The following RAD51B variants were observed in gnomAD, a reference collection of about 807,000 sequenced individuals.
RAD51B encodes DNA repair protein RAD51 homolog 2.
In RAD51B, 38 loss-of-function variants were observed where a neutral mutation model predicts 42.2. That is an observed-to-expected ratio of 0.90 (90% CI 0.70 to 1.18). RAD51B has a LOEUF of 1.18. Ranked by LOEUF, RAD51B falls within the 50% of genes most tolerant of loss-of-function variation. The pLI, the probability that RAD51B is intolerant of heterozygous loss-of-function variation, is 0.00. For missense variants in RAD51B, 373 were observed against 400.7 expected (o/e 0.93, Z 0.59); for synonymous variants, 154 against 145.2 (o/e 1.06, Z -0.43).
At chr14:67,938,005 A>T (rs533287533) in intron 7 of RAD51B, among the ~76,000 whole-genome samples, 1 of 152,200 alleles carries the variant, frequency 6.6e-6, no homozygotes, top group African/African-American at 2.4e-5. Context: ...ATCAAAATCC[A>T]TATGGATTCT....
chr14:68,511,510 A>G (rs745573078), intron 10 of RAD51B, among the ~76,000 whole-genome samples: 2 of 152,218 alleles, frequency 1.3e-5, no homozygotes, highest in Non-Finnish European at 2.9e-5. Context: ...TTTACTTCCT[A>G]TTTTGATGAT....
intron 7 of RAD51B, among the ~76,000 whole-genome samples, chr14:68,046,499 G>A (rs2076302666): frequency 6.6e-6 from 1 of 152,206 alleles, no homozygotes; most frequent in African/African-American, 2.4e-5. Context: ...AGCACTTTGG[G>A]AGGCCGAGGC....
intron 10 of RAD51B, among the ~76,000 whole-genome samples, chr14:68,569,254 G>A (rs777439150): frequency 2.0e-5 from 3 of 152,212 alleles, no homozygotes; most frequent in Admixed American, 6.5e-5. Flanking sequence ...TTTAGGAGAA[G>A]CAGCCCCCAT....
intron 7 of RAD51B, among the ~76,000 whole-genome samples, chr14:68,049,587 T>C (rs1483595885): frequency 2.6e-5 from 4 of 152,126 alleles, no homozygotes; most frequent in Admixed American, 2.0e-4. Context: ...CGTCACCCTG[T>C]CCTTTACCTT....
At chr14:67,934,809 A>T (rs531749646) in intron 7 of RAD51B, among the ~76,000 whole-genome samples, 1 of 152,174 alleles carries the variant, frequency 6.6e-6, no homozygotes, top group South Asian at 2.1e-4. Context: ...ACTCTTATTG[A>T]TGGGGGGGAA....
intron 9 of RAD51B, among the ~76,000 whole-genome samples, chr14:68,448,520 A>G (rs1340272343): frequency 2.6e-5 from 4 of 152,254 alleles, no homozygotes; most frequent in African/African-American, 4.8e-5. Flanking sequence ...CTAAGCCAGT[A>G]CTTGGAACAT....
chr14:68,363,689 A>G (rs1028167634), intron 8 of RAD51B, among the ~76,000 whole-genome samples: 11 of 152,226 alleles, frequency 7.2e-5, no homozygotes, highest in African/African-American at 2.7e-4. Context: ...CTCTGAAGGT[A>G]AAATGCATAC....
chr14:68,353,906 T>G (rs141105028), intron 8 of RAD51B, among the ~76,000 whole-genome samples: 1 of 152,138 alleles, frequency 6.6e-6, no homozygotes, highest in Non-Finnish European at 1.5e-5. Flanking sequence ...TGGAACTGTG[T>G]GGGGTACCCT....
chr14:68,600,514 G>A (rs59211327), downstream of RAD51B, among the ~76,000 whole-genome samples: 2,703 of 152,204 alleles, frequency 0.018, 78 homozygotes, highest in African/African-American at 0.06. Context: ...GCATTGGCAG[G>A]TGCAGTCCTG....
At chr14:67,882,178 G>T (rs2042927857) in intron 5 of RAD51B, among the ~76,000 whole-genome samples, 1 of 152,064 alleles carries the variant, frequency 6.6e-6, no homozygotes, top group Admixed American at 6.5e-5. Context: ...TTGGTATGTT[G>T]CCCTGGTTGG....
chr14:68,491,667 G>T (rs893878866), intron 10 of RAD51B, among the ~76,000 whole-genome samples: 7 of 152,108 alleles, frequency 4.6e-5, no homozygotes, highest in African/African-American at 1.4e-4. Flanking sequence ...CCAGCTCTGG[G>T]CCCTCAGAGA....
intron 8 of RAD51B, among the ~76,000 whole-genome samples, chr14:68,302,501 G>GGTGTAGAGCCAGGCAGA (rs1331088886): frequency 2.0e-5 from 3 of 152,060 alleles, no homozygotes; most frequent in Non-Finnish European, 2.9e-5. Flanking sequence ...ATCCAGGCAG[G>GGTGTAGAGCCAGGCAGA]GGCCGGATTG....
At chr14:68,493,283 T>C (rs1168892365) in intron 10 of RAD51B, among the ~76,000 whole-genome samples, 1 of 152,234 alleles carries the variant, frequency 6.6e-6, no homozygotes, top group Admixed American at 6.5e-5. Flanking sequence ...AGAATTCACA[T>C]TCTTTGTGAA....
At chr14:68,493,897 G>T (rs901476189) in intron 10 of RAD51B, among the ~76,000 whole-genome samples, 2 of 152,142 alleles carry the variant, frequency 1.3e-5, no homozygotes, top group African/African-American at 4.8e-5. Context: ...CTTTAGAATT[G>T]GATTCTTTTC....
chr14:68,586,179 T>G (rs1322758236), intron 10 of RAD51B, among the ~76,000 whole-genome samples: 1 of 152,116 alleles, frequency 6.6e-6, no homozygotes. Context: ...GCGATAGTCC[T>G]GTTCCGAGGA....
intron 10 of RAD51B, among the ~76,000 whole-genome samples, chr14:68,483,571 C>T (rs1322073911): frequency 6.6e-6 from 1 of 152,186 alleles, no homozygotes; most frequent in African/African-American, 2.4e-5. Context: ...GACCATCATG[C>T]CTTGTGTGAA....
At chr14:68,649,742 G>A (rs1289037237) in intron 10 of RAD51B, among the ~76,000 whole-genome samples, 2 of 152,186 alleles carry the variant, frequency 1.3e-5, no homozygotes, top group African/African-American at 4.8e-5. Context: ...GCTGTATGGG[G>A]CAGATTTCCT....
chr14:68,241,547 T>TA (rs2080388072), intron 7 of RAD51B, among the ~76,000 whole-genome samples: 1 of 151,804 alleles, frequency 6.6e-6, no homozygotes, highest in African/African-American at 2.4e-5. Context: ...TCTCAAAATA[T>TA]AAAAAAATAA....
At chr14:67,866,902 C>G (rs1392556327) in intron 5 of RAD51B, among the ~76,000 whole-genome samples, 1 of 152,124 alleles carries the variant, frequency 6.6e-6, no homozygotes, top group Non-Finnish European at 1.5e-5. Flanking sequence ...ATTTTAGCTC[C>G]TTTGTTGGAA....
Sources: allele counts gnomAD v4.1 joint callset (sites outside exome capture counted in the v4.1 genomes callset), GRCh38; gene constraint gnomAD v4.1.1; transcripts MANE v1.5; gene names NCBI Gene and HGNC (gene_info 2026-07-23, HGNC 2026-07-21).